The following IGSF11 variants were observed in gnomAD, a reference collection of about 807,000 sequenced individuals.
IGSF11 encodes the protein immunoglobulin superfamily member 11.
In IGSF11, 22 loss-of-function variants were observed where a neutral mutation model predicts 41.0. The observed-to-expected ratio is 0.54, with a 90% CI of 0.38 to 0.77. The LOEUF (loss-of-function observed/expected upper bound fraction) is 0.77, where lower values mean the gene tolerates loss of function less well. Ranked by LOEUF, IGSF11 falls within the 30% of genes least tolerant of loss-of-function variation. The probability of loss-of-function intolerance (pLI) is 0.00; values close to 1 mark genes in which losing one functional copy is unlikely to be tolerated. For missense variants in IGSF11, 444 were observed against 530.8 expected, an observed-to-expected ratio of 0.84 and a Z score of 1.61; for synonymous variants, 219 against 201.3, an observed-to-expected ratio of 1.09 and a Z score of -0.74.
intron 1 of IGSF11, among the ~76,000 whole-genome samples, chr3:119,069,973 G>T (rs868041655): frequency 6.6e-6 from 1 of 152,208 alleles, no homozygotes. Context: ...AGTAACATCT[G>T]TTGAGCCCCT....
chr3:119,054,487 C>T (rs185377149), intron 1 of IGSF11, among the ~76,000 whole-genome samples: 1 of 152,122 alleles, frequency 6.6e-6, no homozygotes, highest in Admixed American at 6.5e-5. Flanking sequence ...TGTGATACCA[C>T]CTTACTCCTG....
At chr3:119,039,299 A>T (rs1941027253), upstream of IGSF11, among the ~76,000 whole-genome samples, 1 of 152,038 alleles carries the variant, frequency 6.6e-6, no homozygotes, top group South Asian at 2.1e-4. Flanking sequence ...GGTTCCGGGG[A>T]GAATCATTTT....
upstream of IGSF11, among the ~76,000 whole-genome samples, chr3:119,107,442 T>C (rs1327507938): frequency 1.3e-5 from 2 of 152,224 alleles, no homozygotes; most frequent in African/African-American, 2.4e-5. Context: ...TTGTTTGTTT[T>C]TTTCTTGTAA....
upstream of IGSF11, among the ~76,000 whole-genome samples, chr3:119,038,700 T>C (rs924122292): frequency 3.3e-5 from 5 of 152,218 alleles, no homozygotes; most frequent in Non-Finnish European, 4.4e-5. Context: ...ATAAGGAATA[T>C]AATTTTCAAA....
At chr3:118,990,939 G>T (rs1935737132) in intron 1 of IGSF11, among the ~76,000 whole-genome samples, 1 of 152,124 alleles carries the variant, frequency 6.6e-6, no homozygotes, top group African/African-American at 2.4e-5. Flanking sequence ...ATGTTCCCAA[G>T]GAAAATACAA....
chr3:119,126,024 G>A (rs1018232623), intron 1 of IGSF11, among the ~76,000 whole-genome samples: 2 of 152,246 alleles, frequency 1.3e-5, no homozygotes, highest in Non-Finnish European at 2.9e-5. Context: ...TGTGGGGAGG[G>A]GCGACCAGCA....
upstream of IGSF11, among the ~76,000 whole-genome samples, chr3:119,039,696 T>G (rs1447560188): frequency 1.3e-5 from 2 of 151,952 alleles, no homozygotes; most frequent in Non-Finnish European, 2.9e-5. Flanking sequence ...CATAATGACC[T>G]CCTCAATGTT....
intron 1 of IGSF11, among the ~76,000 whole-genome samples, chr3:119,029,288 G>A (rs1940166585): frequency 6.6e-6 from 1 of 151,250 alleles, no homozygotes; most frequent in Non-Finnish European, 1.5e-5. Flanking sequence ...GAGAGAGAGA[G>A]AGAATGCGAG....
At chr3:119,004,637 T>C (rs1238995091) in intron 1 of IGSF11, among the ~76,000 whole-genome samples, 2 of 148,072 alleles carry the variant, frequency 1.4e-5, no homozygotes, top group African/African-American at 2.5e-5. Context: ...GCTTTGAATG[T>C]GTCCCAGAGA....
chr3:118,959,425 C>T (rs1168193043), intron 1 of IGSF11, among the ~76,000 whole-genome samples: 1 of 152,180 alleles, frequency 6.6e-6, no homozygotes, highest in African/African-American at 2.4e-5. Context: ...TGGTACCATA[C>T]TCTAGACAAA....
intron 1 of IGSF11, among the ~76,000 whole-genome samples, chr3:119,093,167 G>A (rs906650356): frequency 9.9e-5 from 15 of 152,086 alleles, no homozygotes; most frequent in African/African-American, 3.6e-4. Flanking sequence ...ATGCCCTATC[G>A]AACAATGCAC....
chr3:119,142,499 TAAAA>T (rs1209892352), intron 1 of IGSF11, among the ~76,000 whole-genome samples: 1 of 152,012 alleles, frequency 6.6e-6, no homozygotes, highest in Admixed American at 6.6e-5. Flanking sequence ...TCAACTGTCT[TAAAA>T]ATGTTCAAAG....
chr3:119,067,865 T>C (rs1942280677), intron 1 of IGSF11, among the ~76,000 whole-genome samples: 1 of 152,198 alleles, frequency 6.6e-6, no homozygotes, highest in Non-Finnish European at 1.5e-5. Flanking sequence ...ATTTTAGTAT[T>C]ATAAACTTGC....
chr3:119,110,019 C>T (rs2077118506), upstream of IGSF11, among the ~76,000 whole-genome samples: 2 of 151,964 alleles, frequency 1.3e-5, no homozygotes, highest in Admixed American at 6.6e-5. Context: ...ACTATGTGGT[C>T]AATTTTGGAA....
chr3:119,059,944 T>A (rs1222220543), intron 1 of IGSF11, among the ~76,000 whole-genome samples: 1 of 152,082 alleles, frequency 6.6e-6, no homozygotes, highest in African/African-American at 2.4e-5. Flanking sequence ...AAGGAAGAGA[T>A]GAAAAAGAGT....
intron 1 of IGSF11, among the ~76,000 whole-genome samples, chr3:118,973,283 G>C (rs75200099): frequency 0.024 from 3,705 of 152,282 alleles, 80 homozygotes; most frequent in East Asian, 0.065. Context: ...ACATCCCCTA[G>C]AATTAACTGT....
chr3:118,992,872 C>A (rs778866267), intron 1 of IGSF11, among the ~76,000 whole-genome samples: 2 of 152,132 alleles, frequency 1.3e-5, no homozygotes, highest in Non-Finnish European at 2.9e-5. Flanking sequence ...AGAGAGCCAA[C>A]AGAATGGAAG....
At chr3:119,128,576 G>GA (rs1187335141) in intron 1 of IGSF11, among the ~76,000 whole-genome samples, 6 of 148,272 alleles carry the variant, frequency 4.0e-5, no homozygotes, top group Non-Finnish European at 7.5e-5. Context: ...CAAATAAAAA[G>GA]AAAAAAAAAG....
chr3:118,992,908 CA>C (rs1935922144), intron 1 of IGSF11, among the ~76,000 whole-genome samples: 2 of 152,118 alleles, frequency 1.3e-5, no homozygotes, highest in Admixed American at 1.3e-4. Flanking sequence ...TTGTATCCAG[CA>C]TAAATAATCT....
Sources: gnomAD v4.1 joint callset for allele counts (sites outside exome capture counted in the v4.1 genomes callset) on GRCh38, gnomAD v4.1.1 for gene constraint, MANE v1.5 for transcripts, NCBI Gene and HGNC (gene_info 2026-07-23, HGNC 2026-07-21) for gene names.